BMP8B: variants seen among roughly 807,000 people sequenced by gnomAD.
BMP8B encodes bone morphogenetic protein 8b.
Under a neutral mutation model 30.3 loss-of-function variants are expected in BMP8B, and 17 were observed. The ratio of observed to expected loss-of-function variants is 0.56; its 90% confidence interval spans 0.38 to 0.84. The LOEUF (loss-of-function observed/expected upper bound fraction) is 0.84, where lower values mean the gene tolerates loss of function less well. Among genes scored for constraint, BMP8B ranks in the 40% least tolerant of loss-of-function variants. BMP8B has a pLI of 0.00. For synonymous variants in BMP8B, 131 were observed against 214.7 expected, an observed-to-expected ratio of 0.61 and a Z score of 3.41; for missense variants, 253 against 494.6, an observed-to-expected ratio of 0.51 and a Z score of 4.63.
chr1:39,774,750 GCT>G, intron 2 of BMP8B, 97 bp downstream of exon 2: 1 of 400,510 alleles, frequency 2.5e-6, no homozygotes, highest in Non-Finnish European at 4.3e-6. Flanking sequence ...CATCTTTGAG[GCT>G]CTCTTTCAGC....
At chr1:39,760,894 A>G (rs2124412730) in intron 6 of BMP8B, among the ~76,000 whole-genome samples, 1 of 152,186 alleles carries the variant, frequency 6.6e-6, no homozygotes, top group East Asian at 1.9e-4. Context: ...CTGTGTGGCC[A>G]GGTTTGTGCC....
intron 5 of BMP8B, among the ~76,000 whole-genome samples, chr1:39,763,427 C>T (rs1479626891): frequency 8.3e-6 from 1 of 120,140 alleles, no homozygotes; most frequent in Non-Finnish European, 2.0e-5. Flanking sequence ...CCTCCCAGAG[C>T]TGCAGTCGTA....
chr1:39,786,139 C>T (rs1190906727), intron 1 of BMP8B, among the ~76,000 whole-genome samples: 3 of 152,218 alleles, frequency 2.0e-5, no homozygotes, highest in African/African-American at 7.2e-5. Flanking sequence ...GCAAAACAGT[C>T]TCACATGAGT....
At chr1:39,769,344 G>A (rs1649791224) in intron 3 of BMP8B, among the ~76,000 whole-genome samples, 2 of 150,152 alleles carry the variant, frequency 1.3e-5, no homozygotes, top group African/African-American at 4.9e-5. Flanking sequence ...TTTCTCCCTC[G>A]TCAGTTTTTA....
intron 1 of BMP8B, among the ~76,000 whole-genome samples, chr1:39,785,421 TC>T (rs1369091670): frequency 1.1e-4 from 16 of 151,494 alleles, no homozygotes; most frequent in Non-Finnish European, 5.9e-5. Flanking sequence ...AGCCCTGGCC[TC>T]CCAGTGCAGG....
chr1:39,769,307 C>T (rs1649789030), intron 3 of BMP8B, among the ~76,000 whole-genome samples: 1 of 150,638 alleles, frequency 6.6e-6, no homozygotes, highest in African/African-American at 2.4e-5. Flanking sequence ...TAAAATGTCC[C>T]TTCAGGTGTA....
Position 39,760,238 on chromosome 1 carries a change from C to T in BMP8B, c.*181G>A. On this transcript the variant is annotated 3_prime_UTR_variant, in exon 7 of 7. Transcript: ENST00000372827. ...TGGAAACAGGACAGTCACACAAATG[C>T]CTGGCAGGGCAAGGGGAGCATAGGA... 1.9e-6 allele frequency: 2 copies of T among 1,060,906 alleles called. No homozygotes were observed. Among genetic ancestry groups the T allele is most frequent in the Non-Finnish European group, 2.6e-6 (2 of 756,474 alleles). 65.7% of individuals were successfully genotyped at this position (1,060,906 alleles called of 1,614,324 possible).
chr1:39,779,855 T>C (rs1650503973), intron 1 of BMP8B, among the ~76,000 whole-genome samples: 1 of 152,236 alleles, frequency 6.6e-6, no homozygotes, highest in Non-Finnish European at 1.5e-5. Flanking sequence ...AACAAACACA[T>C]ATTGTTGCAC....
chr1:39,776,441 C>A (rs945700448), intron 1 of BMP8B, among the ~76,000 whole-genome samples: 4 of 152,334 alleles, frequency 2.6e-5, no homozygotes, highest in Middle Eastern at 3.4e-3. Flanking sequence ...TTTAAAAATT[C>A]TCTGTGGTTA....
intron 6 of BMP8B, chr1:39,762,793 T>C: frequency 3.2e-6 from 4 of 1,259,804 alleles, no homozygotes; most frequent in Non-Finnish European, 4.3e-6. Context: ...GCTGTGCCTC[T>C]GAGCGCTGCA....
chr1:39,765,943 G>C (rs1569804752), intron 3 of BMP8B, among the ~76,000 whole-genome samples: 1 of 146,616 alleles, frequency 6.8e-6, no homozygotes, highest in East Asian at 1.9e-4. Flanking sequence ...GCTGAGGTGG[G>C]AGGACTGCTT....
intron 1 of BMP8B, 78 bp from the exon 2 acceptor site, chr1:39,775,116 GC>G: frequency 3.2e-6 from 5 of 1,566,138 alleles, no homozygotes; most frequent in Non-Finnish European, 3.5e-6. Context: ...GTGAGCCACC[GC>G]CCCCAGCCAC....
chr1:39,760,905 C>G (rs1648875624), intron 6 of BMP8B, among the ~76,000 whole-genome samples: 1 of 152,074 alleles, frequency 6.6e-6, no homozygotes, highest in East Asian at 1.9e-4. Flanking sequence ...GGTTTGTGCC[C>G]TTAGTGAGGT....
intron 3 of BMP8B, chr1:39,769,447 G>A: frequency 2.4e-6 from 1 of 421,046 alleles, no homozygotes; most frequent in Non-Finnish European, 4.1e-6. Flanking sequence ...AAACATCACA[G>A]AGCAAAGCGG....
At chr1:39,762,755 C>A in intron 6 of BMP8B, 2 of 1,371,310 alleles carry the variant, frequency 1.5e-6, no homozygotes, top group Non-Finnish European at 1.9e-6. Context: ...CACACAGCCC[C>A]CACACAGTGT....
At chr1:39,778,191 C>T (rs1048098446) in intron 1 of BMP8B, among the ~76,000 whole-genome samples, 1 of 152,232 alleles carries the variant, frequency 6.6e-6, no homozygotes, top group Non-Finnish European at 1.5e-5. Context: ...GAACTCAGAG[C>T]CCTTTGGGCT....
chr1:39,775,116 G>A (rs1377720878), intron 1 of BMP8B, 78 bp from the exon 2 acceptor site: 24 of 1,566,140 alleles, frequency 1.5e-5, no homozygotes, highest in East Asian at 2.3e-5. Context: ...GTGAGCCACC[G>A]CCCCCAGCCA....
chr1:39,786,121 CA>C (rs1650968765), intron 1 of BMP8B, among the ~76,000 whole-genome samples: 1 of 152,218 alleles, frequency 6.6e-6, no homozygotes, highest in African/African-American at 2.4e-5. Context: ...GCCCATGAAA[CA>C]GGGCTGGCAA....
intron 3 of BMP8B, chr1:39,770,639 TCTG>T: frequency 6.5e-7 from 1 of 1,542,724 alleles, no homozygotes; most frequent in East Asian, 2.4e-5. Flanking sequence ...CAGGGCGAAG[TCTG>T]CCCGGATGGC....
Sources: allele counts gnomAD v4.1 joint callset (sites outside exome capture counted in the v4.1 genomes callset), GRCh38; gene constraint gnomAD v4.1.1; transcripts MANE v1.5; gene names NCBI Gene and HGNC (gene_info 2026-07-23, HGNC 2026-07-21).